The following PRKCQ variants were observed in gnomAD, a reference collection of about 807,000 sequenced individuals.
The protein encoded by PRKCQ is protein kinase C theta.
PRKCQ carries 41 observed loss-of-function variants against 91.2 expected under a neutral mutation model. That is an observed-to-expected ratio of 0.45 (90% CI 0.35 to 0.58). The LOEUF (loss-of-function observed/expected upper bound fraction) is 0.58, where lower values mean the gene tolerates loss of function less well. PRKCQ is among the 20% of genes least tolerant of loss of function. PRKCQ has a pLI of 0.00. For missense variants in PRKCQ, 673 were observed against 896.5 expected (o/e 0.75, Z 3.18); for synonymous variants, 307 against 316.9 (o/e 0.97, Z 0.33).
intron 12 of PRKCQ, among the ~76,000 whole-genome samples, chr10:6,478,681 T>A (rs1323961337): frequency 6.6e-6 from 1 of 152,246 alleles, no homozygotes. Context: ...AACAAACACT[T>A]GTTACATTTT....
At chr10:6,535,177 T>G (rs953204315) in intron 1 of PRKCQ, among the ~76,000 whole-genome samples, 1 of 152,190 alleles carries the variant, frequency 6.6e-6, no homozygotes, top group Non-Finnish European at 1.5e-5. Context: ...TGGTCCCAGG[T>G]ATCACCTGGC....
intron 11 of PRKCQ, among the ~76,000 whole-genome samples, chr10:6,481,888 A>G (rs1387025441): frequency 6.6e-6 from 1 of 152,112 alleles, no homozygotes; most frequent in African/African-American, 2.4e-5. Context: ...CTAAAAGCCT[A>G]TATTCCATAT....
chr10:6,421,906 G>A, the PRKCQ span, among the ~76,000 whole-genome samples: 6 of 152,186 alleles, frequency 3.9e-5, no homozygotes, highest in South Asian at 2.1e-4. The surrounding 1 kb of genome is among the most constrained non-coding windows in gnomAD (Gnocchi z 4.1). Context: ...GAGGGTAGTC[G>A]TTTAGTTTTA....
chr10:6,572,545 C>T (rs1841084903), intron 1 of PRKCQ, among the ~76,000 whole-genome samples: 1 of 152,148 alleles, frequency 6.6e-6, no homozygotes, highest in African/African-American at 2.4e-5. Flanking sequence ...CTATCCATGT[C>T]CCTGCAAAGG....
At chr10:6,460,736 C>G (rs1024981316) in intron 14 of PRKCQ, among the ~76,000 whole-genome samples, 1 of 152,222 alleles carries the variant, frequency 6.6e-6, no homozygotes, top group Non-Finnish European at 1.5e-5. Context: ...GGTGATCCAT[C>G]TGCCTTGGCC....
chr10:6,452,554 C>T (rs1834753477), intron 15 of PRKCQ, among the ~76,000 whole-genome samples: 1 of 150,202 alleles, frequency 6.7e-6, no homozygotes, highest in African/African-American at 2.5e-5. Context: ...ACTTTCTTCA[C>T]AGAATTGGAA....
chr10:6,536,587 T>A (rs143910971), intron 1 of PRKCQ, among the ~76,000 whole-genome samples: 92 of 152,262 alleles, frequency 6.0e-4, no homozygotes, highest in African/African-American at 2.1e-3. Flanking sequence ...TAAAAATCTC[T>A]TCTTCTTCCG....
intron 16 of PRKCQ, among the ~76,000 whole-genome samples, chr10:6,439,442 G>A (rs961203): frequency 0.046 from 7,064 of 152,166 alleles, 249 homozygotes; most frequent in East Asian, 0.12. Context: ...TGATGAACCT[G>A]GATTTGAACT....
chr10:6,496,320 C>CCCATG (rs1471485489), intron 7 of PRKCQ, among the ~76,000 whole-genome samples: 2 of 151,936 alleles, frequency 1.3e-5, no homozygotes, highest in Non-Finnish European at 2.9e-5. Flanking sequence ...TGATACACTG[C>CCCATG]CCATGTGCTA....
intron 1 of PRKCQ, among the ~76,000 whole-genome samples, chr10:6,551,200 T>C (rs1840169605): frequency 1.3e-5 from 2 of 152,062 alleles, no homozygotes; most frequent in South Asian, 4.1e-4. Flanking sequence ...TTCCCCTCTT[T>C]GAGTCCATGT....
At position 6,577,645 on chromosome 10, in the gene PRKCQ, A is replaced by T. The variant is rs184194159; in HGVS notation, c.-10+2566T>A. Among the ~76,000 whole-genome samples, 154 of 152,324 alleles carry T rather than the reference A, an allele frequency of 1.0e-3. 3 individuals are homozygous for T. The East Asian group carries it at 0.024, about 24-fold the overall frequency. The stretch of plus-strand genomic sequence containing the variant: ...TGATTTGAGGCAAATTATTGAAAAA[A>T]ATTAAAGACTGAACTCCATAAAAAG... On this transcript the variant is annotated intron_variant, in intron 1 of 17. Coordinates refer to ENST00000263125, the MANE Select transcript of PRKCQ (RefSeq NM_006257.5).
intron 1 of PRKCQ, among the ~76,000 whole-genome samples, chr10:6,547,512 T>C (rs555842650): frequency 5.3e-4 from 81 of 152,154 alleles, no homozygotes; most frequent in Non-Finnish European, 9.7e-4. Context: ...CAAAACAGCA[T>C]GGTACTGGTA....
At chr10:6,476,406 T>A (rs767844766) in intron 12 of PRKCQ, among the ~76,000 whole-genome samples, 20 of 151,406 alleles carry the variant, frequency 1.3e-4, no homozygotes, top group African/African-American at 4.9e-4. Context: ...TATAGTAACA[T>A]ACACAGAAAG....
At chr10:6,428,483 C>A in intron 17 of PRKCQ, 121 bp from the exon 18 acceptor site, 1 of 1,094,184 alleles carries the variant, frequency 9.1e-7, no homozygotes, top group Non-Finnish European at 1.3e-6. Context: ...TGCAGAGACA[C>A]TAAATGGAGG....
chr10:6,512,308 G>T (rs146167726), intron 2 of PRKCQ: 1 of 152,322 alleles, frequency 6.6e-6, no homozygotes, highest in Admixed American at 6.5e-5. Flanking sequence ...AGGTGGTGCT[G>T]ATCTTTACCC....
chr10:6,540,850 A>G (rs1266874168), intron 1 of PRKCQ, among the ~76,000 whole-genome samples: 1 of 152,178 alleles, frequency 6.6e-6, no homozygotes, highest in Non-Finnish European at 1.5e-5. Flanking sequence ...TCCACCAGCA[A>G]TTCAAGAAGG....
intron 4 of PRKCQ, among the ~76,000 whole-genome samples, chr10:6,499,272 C>T (rs1267744218): frequency 6.6e-6 from 1 of 152,190 alleles, no homozygotes; most frequent in African/African-American, 2.4e-5. Context: ...CCATCAGATT[C>T]AATCTATTCA....
At chr10:6,444,533 G>C (rs1023870516) in intron 15 of PRKCQ, among the ~76,000 whole-genome samples, 18 of 152,078 alleles carry the variant, frequency 1.2e-4, no homozygotes, top group African/African-American at 4.3e-4. Context: ...CTGCTCCAAG[G>C]ATGAGTTGCG....
chr10:6,394,573 G>A, the PRKCQ span, among the ~76,000 whole-genome samples: 1 of 152,238 alleles, frequency 6.6e-6, no homozygotes, highest in Non-Finnish European at 1.5e-5. Context: ...AATGGGTAGT[G>A]TTACGTGCCA....
Sources: allele counts gnomAD v4.1 joint callset (sites outside exome capture counted in the v4.1 genomes callset), GRCh38; gene constraint gnomAD v4.1.1; non-coding constraint Gnocchi (gnomAD v3.1); transcripts MANE v1.5; gene names NCBI Gene and HGNC (gene_info 2026-07-23, HGNC 2026-07-21).